Variants in RAPH1 observed in about 807,000 individuals in gnomAD.
RAPH1 encodes the protein Ras association (RalGDS/AF-6) and pleckstrin homology domains 1.
A neutral mutation model predicts 88.1 loss-of-function variants in RAPH1; 18 were observed. The observed-to-expected ratio is 0.20, with a 90% CI of 0.14 to 0.30. The LOEUF (loss-of-function observed/expected upper bound fraction) is 0.30. Ranked by LOEUF, RAPH1 falls within the 10% of genes least tolerant of loss-of-function variation. RAPH1 has a pLI of 1.00. For synonymous variants in RAPH1, 587 were observed against 559.0 expected (o/e 1.05, Z -0.71); for missense variants, 1,448 against 1,543.2 (o/e 0.94, Z 1.03).
chr2:203,473,627 T>TA lies in RAPH1; in HGVS notation c.733-11703dup, dbSNP rs372544246. Among the ~76,000 whole-genome samples, 1,011 of 152,274 alleles carry TA rather than the reference T, an allele frequency of 6.6e-3. 14 individuals are homozygous for TA. Among genetic ancestry groups the TA allele is most frequent in the African/African-American group, 0.023 (949 of 41,536 alleles). On this transcript the variant is annotated intron_variant, in intron 4 of 13. Transcript: ENST00000319170. The stretch of plus-strand genomic sequence containing the variant: ...TTGCTCTGCTATGGAGATCTTACTG[T>TA]AACTGAGTAAGGCCATTCTGTTTAG...
At chr2:203,487,598 T>C (rs1559480234) in intron 4 of RAPH1, among the ~76,000 whole-genome samples, 4 of 152,104 alleles carry the variant, frequency 2.6e-5, no homozygotes, top group Non-Finnish European at 4.4e-5. Flanking sequence ...TTGGCCAGGG[T>C]GGTCTCAAAC....
At chr2:203,449,290 T>G (rs1209342319) in intron 10 of RAPH1, among the ~76,000 whole-genome samples, 1 of 152,138 alleles carries the variant, frequency 6.6e-6, no homozygotes, top group East Asian at 1.9e-4. Context: ...TGAGGTGAAT[T>G]ACTGGGCTGG....
intron 1 of RAPH1, among the ~76,000 whole-genome samples, chr2:203,512,719 T>G (rs542725969): frequency 1.3e-5 from 2 of 149,806 alleles, no homozygotes; most frequent in South Asian, 4.2e-4. Flanking sequence ...GCCTCCCAGG[T>G]TCAAGCGATT....
chr2:203,518,162 T>C (rs1486454915), intron 1 of RAPH1, among the ~76,000 whole-genome samples: 1 of 152,000 alleles, frequency 6.6e-6, no homozygotes, highest in African/African-American at 2.4e-5. Context: ...AAATTACCAA[T>C]ATCAGAAATC....
In RAPH1 at chr2:203,433,930, ATAGT is replaced by A. The variant is rs1052742027; in HGVS notation, c.*5503_*5506del. ...ACGACTAGTGTGCTAAGCCATTACA[ATAGT>A]TTACTGACATAACTGGCAAGAGTAA... is the stretch of plus-strand genomic sequence containing the variant. On this transcript the variant is annotated 3_prime_UTR_variant, in exon 14 of 14. Coordinates refer to ENST00000319170, the MANE Select transcript of RAPH1 (RefSeq NM_213589.3). 2.6e-5 allele frequency: 4 copies of A among 152,580 alleles called. No homozygotes were observed. The highest frequency in any genetic ancestry group is 9.7e-5 in the African/African-American group (4 of 41,438). The allele number at this position is 152,580 out of a possible 1,614,324, so 9.5% of individuals were successfully genotyped here. A position where few individuals can be genotyped will look rare whatever the true frequency, so the allele number is the denominator to read the frequency against.
intron 4 of RAPH1, among the ~76,000 whole-genome samples, chr2:203,487,312 T>C (rs768361918): frequency 2.4e-4 from 36 of 152,140 alleles, no homozygotes; most frequent in Admixed American, 1.2e-3. Context: ...CTAAAGGACA[T>C]GAAATGATAC....
Position 203,440,298 on chromosome 2 carries a change from G to A in RAPH1, c.2892C>T (p.Ser964=). The change falls in exon 14 of 14, where the codon TCC becomes TCT. Residue 964 remains serine (S), a synonymous_variant. Transcript: ENST00000319170. ...GSPGKKTSKT[S]SPGGKKPPPT... ...GGGGTGGTTTCTTTCCCCCAGGGCT[G>A]GACGTCTTACTGGTCTTTTTGCCTG... 3 of 1,613,700 alleles carry A rather than the reference G, an allele frequency of 1.9e-6. No individual in the cohort carries two copies. Among genetic ancestry groups the A allele is most frequent in the Non-Finnish European group, 2.5e-6 (3 of 1,179,910 alleles).
intron 1 of RAPH1, among the ~76,000 whole-genome samples, chr2:203,507,083 G>A (rs1581383373): frequency 1.3e-5 from 2 of 150,170 alleles, no homozygotes; most frequent in East Asian, 2.0e-4. Flanking sequence ...TTTTAGTAGA[G>A]ACAGGGTTTC....
chr2:203,463,148 G>GC (rs1294418613), intron 4 of RAPH1, among the ~76,000 whole-genome samples: 1 of 151,422 alleles, frequency 6.6e-6, no homozygotes, highest in African/African-American at 2.4e-5. Flanking sequence ...GCTGCAGTGA[G>GC]CTAAGATTGT....
At chr2:203,482,008 GAA>G (rs144615684) in intron 4 of RAPH1, among the ~76,000 whole-genome samples, 3 of 145,370 alleles carry the variant, frequency 2.1e-5, no homozygotes, top group Middle Eastern at 3.6e-3. Flanking sequence ...TACTTCTGCA[GAA>G]AAAAAAAACA....
intron 4 of RAPH1, among the ~76,000 whole-genome samples, chr2:203,475,738 C>A (rs1163554537): frequency 3.4e-5 from 5 of 146,464 alleles, no homozygotes; most frequent in Non-Finnish European, 5.9e-5. Context: ...CTTTTTCCTA[C>A]ACTTCTTGTA....
chr2:203,463,692 C>T lies in RAPH1; in HGVS notation c.733-1767G>A, dbSNP rs952115163. Among the ~76,000 whole-genome samples, 17 of 152,264 alleles carry T rather than the reference C, an allele frequency of 1.1e-4. 1 individual carries two copies. Among genetic ancestry groups the T allele is most frequent in the Admixed American group, 6.5e-4 (10 of 15,292 alleles). ...TAAAATGGAGAGGGCTAAGACGAGACTGAATTCTTATACTATTATATATTC... is the reference window on the plus strand; with the variant it reads ...TAAAATGGAGAGGGCTAAGACGAGATTGAATTCTTATACTATTATATATTC... On this transcript the variant is annotated intron_variant, in intron 4 of 13. Transcript: ENST00000319170.
chr2:203,510,134 T>C (rs1362525506), intron 1 of RAPH1, among the ~76,000 whole-genome samples: 1 of 152,088 alleles, frequency 6.6e-6, no homozygotes. Context: ...TTCTATCTCA[T>C]AAATGTAAAA....
At chr2:203,530,130 G>GT (rs1690324856) in intron 1 of RAPH1, among the ~76,000 whole-genome samples, 1 of 152,180 alleles carries the variant, frequency 6.6e-6, no homozygotes, top group African/African-American at 2.4e-5. Context: ...AAGTGATATA[G>GT]TTTAAGACAT....
At chr2:203,503,394 T>C (rs1688832790) in intron 1 of RAPH1, among the ~76,000 whole-genome samples, 1 of 152,098 alleles carries the variant, frequency 6.6e-6, no homozygotes, top group South Asian at 2.1e-4. Context: ...ATCATGGCAG[T>C]GGCAAGACAA....
intron 4 of RAPH1, among the ~76,000 whole-genome samples, chr2:203,469,528 T>G (rs1183484350): frequency 1.3e-5 from 2 of 152,204 alleles, no homozygotes; most frequent in Non-Finnish European, 2.9e-5. Context: ...TAACTGTATA[T>G]TTTTCAGAAA....
At chr2:203,453,107 GGACT>G (rs1246636180) in intron 10 of RAPH1, among the ~76,000 whole-genome samples, 2 of 152,090 alleles carry the variant, frequency 1.3e-5, no homozygotes, top group Non-Finnish European at 2.9e-5. Flanking sequence ...ATGGTCTTAG[GGACT>G]GACTCTCAGG....
rs183367267 is a variant in RAPH1, at chr2:203,510,734, G to A, written c.1-15381C>T. Reference sequence around the variant, plus strand: ...ACTAGAATTTTTTAAGTTTATTCTGGAATTAAGATAGTGGTGAAGGTTGCA... The same window carrying A: ...ACTAGAATTTTTTAAGTTTATTCTGAAATTAAGATAGTGGTGAAGGTTGCA... On this transcript the variant is annotated intron_variant, in intron 1 of 13. Coordinates refer to ENST00000319170, the MANE Select transcript of RAPH1 (RefSeq NM_213589.3). Among the ~76,000 whole-genome samples, 17 of 152,170 alleles carry A rather than the reference G, an allele frequency of 1.1e-4. No homozygotes were observed. The East Asian group carries it at 1.7e-3, about 16-fold the overall frequency.
At chr2:203,491,436 T>A in intron 2 of RAPH1, 117 bp from the exon 3 acceptor site, 1 of 611,758 alleles carries the variant, frequency 1.6e-6, no homozygotes, top group Non-Finnish European at 2.8e-6. Flanking sequence ...TAAACCAAAG[T>A]TCTCCTAAGT....
Sources: gnomAD v4.1 joint callset for allele counts (sites outside exome capture counted in the v4.1 genomes callset) on GRCh38, gnomAD v4.1.1 for gene constraint, MANE v1.5 for transcripts, NCBI Gene and HGNC (gene_info 2026-07-23, HGNC 2026-07-21) for gene names.